The following GLRA2 variants were observed in gnomAD, a reference collection of about 807,000 sequenced individuals.
The protein encoded by GLRA2 is glycine receptor alpha 2.
Under a neutral mutation model 31.6 loss-of-function variants are expected in GLRA2, and 11 were observed. The observed-to-expected ratio is 0.35, with a 90% CI of 0.22 to 0.58. The LOEUF is 0.58. GLRA2 is among the 20% of genes least tolerant of loss of function. The pLI is 0.84. For synonymous variants in GLRA2, 132 were observed against 134.0 expected, an observed-to-expected ratio of 0.99 and a Z score of 0.10; for missense variants, 212 against 351.8, an observed-to-expected ratio of 0.60 and a Z score of 3.18.
At chrX:14,493,586 C>T in the GLRA2 span, among the ~76,000 whole-genome samples, 1 of 100,408 alleles carries the variant, frequency 1.0e-5, no homozygotes, top group African/African-American at 3.9e-5. Context: ...TACATATATA[C>T]ACATATATAC....
intron 7 of GLRA2, among the ~76,000 whole-genome samples, chrX:14,650,787 G>T (rs765704436): frequency 8.9e-6 from 1 of 111,782 alleles, no homozygotes; most frequent in African/African-American, 3.3e-5. Context: ...ACATTTGCCT[G>T]TATTTATAAG....
intron 7 of GLRA2, among the ~76,000 whole-genome samples, chrX:14,687,328 T>A (rs1220985545): frequency 8.9e-6 from 1 of 111,798 alleles, no homozygotes; most frequent in African/African-American, 3.3e-5. Context: ...TTCTCTGTAT[T>A]TCCTGAATTT....
At chrX:14,674,685 C>A (rs1184076553) in intron 7 of GLRA2, among the ~76,000 whole-genome samples, 1 of 111,405 alleles carries the variant, frequency 9.0e-6, no homozygotes, top group African/African-American at 3.3e-5. Flanking sequence ...CAAAAATATT[C>A]ATTATTTTTC....
chrX:14,690,458 T>C (rs777525563), intron 7 of GLRA2, among the ~76,000 whole-genome samples: 1 of 111,956 alleles, frequency 8.9e-6, no homozygotes, highest in African/African-American at 3.2e-5. Context: ...CTTGAAGTCA[T>C]TGGAGCTGGT....
chrX:14,641,619 G>T (rs1013716449), intron 7 of GLRA2, among the ~76,000 whole-genome samples: 4 of 111,614 alleles, frequency 3.6e-5, no homozygotes, highest in African/African-American at 1.3e-4. Context: ...TTTGGGTGAT[G>T]CCTAGTACAT....
chrX:14,645,291 G>A (rs1274240679), intron 7 of GLRA2, among the ~76,000 whole-genome samples: 2 of 111,696 alleles, frequency 1.8e-5, no homozygotes, highest in Non-Finnish European at 3.8e-5. Flanking sequence ...AGATCAAAGT[G>A]TCTAATACAT....
At chrX:14,556,844 C>G (rs1311328524) in intron 2 of GLRA2, among the ~76,000 whole-genome samples, 1 of 111,246 alleles carries the variant, frequency 9.0e-6, no homozygotes, top group Non-Finnish European at 1.9e-5. Context: ...TCTGACTTGT[C>G]CTTAATGCCT....
At chrX:14,611,523 T>A (rs1016672769) in intron 7 of GLRA2, among the ~76,000 whole-genome samples, 1 of 113,085 alleles carries the variant, frequency 8.8e-6, no homozygotes, top group Non-Finnish European at 1.9e-5. Context: ...GAGTTTTCTT[T>A]TTTGCTTTTG....
intron 7 of GLRA2, among the ~76,000 whole-genome samples, chrX:14,677,117 G>A (rs1298427152): frequency 9.0e-6 from 1 of 111,366 alleles, no homozygotes; most frequent in African/African-American, 3.3e-5. Context: ...TCTCCTTTCC[G>A]TTAATGAAAA....
At chrX:14,593,255 T>C (rs2090163897) in intron 4 of GLRA2, among the ~76,000 whole-genome samples, 1 of 100,593 alleles carries the variant, frequency 9.9e-6, no homozygotes, top group Non-Finnish European at 2.2e-5. Flanking sequence ...CTCCAACAAG[T>C]TTCTTCTCGC....
intron 8 of GLRA2, among the ~76,000 whole-genome samples, chrX:14,691,633 A>G (rs1008599849): frequency 3.6e-5 from 4 of 111,265 alleles, no homozygotes; most frequent in Admixed American, 1.9e-4. Context: ...CTAAACCTCA[A>G]TGTTAGGAGG....
intron 7 of GLRA2, among the ~76,000 whole-genome samples, chrX:14,656,625 T>C (rs1174192404): frequency 8.9e-6 from 1 of 112,328 alleles, no homozygotes; most frequent in Non-Finnish European, 1.9e-5. Context: ...TGTGAATGAC[T>C]TCTAACTCTA....
Position 14,556,577 on chromosome X carries a change from G to T in GLRA2, c.203-17756G>T, listed in dbSNP as rs746709203. Among the ~76,000 whole-genome samples the T allele has an allele frequency of 2.0e-4, 22 of 111,748 alleles. 1 individual carries two copies. The South Asian group carries it at 7.1e-3, about 36-fold the overall frequency. ...CTTACAAATTGTTCTCAACCTGAAG[G>T]TTCCATTTAGCCTCTGAGATCTTTA... On this transcript the variant is annotated intron_variant, in intron 2 of 8. Coordinates refer to ENST00000218075, the MANE Select transcript of GLRA2 (RefSeq NM_002063.4).
intron 7 of GLRA2, among the ~76,000 whole-genome samples, chrX:14,662,603 A>G (rs1385060104): frequency 8.9e-6 from 1 of 111,786 alleles, no homozygotes; most frequent in East Asian, 2.8e-4. Flanking sequence ...TAATTTTCTG[A>G]ACAAGAATAG....
At chrX:14,681,238 C>T (rs1418314938) in intron 7 of GLRA2, among the ~76,000 whole-genome samples, 2 of 112,205 alleles carry the variant, frequency 1.8e-5, no homozygotes, top group Admixed American at 1.9e-4. Flanking sequence ...TAATAGTACA[C>T]TCTTAGAAGT....
intron 7 of GLRA2, among the ~76,000 whole-genome samples, chrX:14,638,213 G>A (rs905592123): frequency 9.0e-6 from 1 of 111,430 alleles, no homozygotes; most frequent in Non-Finnish European, 1.9e-5. Flanking sequence ...GTTTGCCAAG[G>A]ATTTTTGGGG....
chrX:14,643,198 G>A (rs1346094480), intron 7 of GLRA2, among the ~76,000 whole-genome samples: 1 of 111,581 alleles, frequency 9.0e-6, no homozygotes, highest in African/African-American at 3.3e-5. Context: ...CTTGGAAGAG[G>A]ACTCCAAGCT....
chrX:14,502,796 C>T, the GLRA2 span, among the ~76,000 whole-genome samples: 10 of 106,524 alleles, frequency 9.4e-5, no homozygotes, highest in African/African-American at 3.4e-4. Flanking sequence ...CATATCATGG[C>T]GTTTTTGTAC....
Position 14,674,195 on chromosome X carries a change from G to T in GLRA2, c.931-16515G>T, listed in dbSNP as rs758499147. Among the ~76,000 whole-genome samples, 5 of 112,139 alleles carry T rather than the reference G, an allele frequency of 4.5e-5. No homozygotes were observed. The Admixed American group carries it at 4.7e-4, about 11-fold the overall frequency. On this transcript the variant is annotated intron_variant, in intron 7 of 8. Coordinates refer to ENST00000218075, the MANE Select transcript of GLRA2 (RefSeq NM_002063.4). The stretch of plus-strand genomic sequence containing the variant: ...TGGTGTAAGCTTTTTGTTGATGATA[G>T]TGGTGGTGGTGATTTTGTTCTGTTT...
Sources: allele counts gnomAD v4.1 joint callset (sites outside exome capture counted in the v4.1 genomes callset), GRCh38; gene constraint gnomAD v4.1.1; transcripts MANE v1.5; gene names NCBI Gene and HGNC (gene_info 2026-07-23, HGNC 2026-07-21).